The following PTPRN2 variants were observed in gnomAD, a reference collection of about 807,000 sequenced individuals.
The protein encoded by PTPRN2 is receptor-type tyrosine-protein phosphatase N2.
PTPRN2 carries 74 observed loss-of-function variants against 118.8 expected under a neutral mutation model. The observed-to-expected ratio is 0.62, with a 90% confidence interval of 0.52 to 0.76. The LOEUF is 0.76. Among genes scored for constraint, PTPRN2 ranks in the 30% least tolerant of loss-of-function variants. PTPRN2 has a pLI of 0.00. For synonymous variants in PTPRN2, 641 were observed against 608.0 expected (o/e 1.05, Z -0.80); for missense variants, 1,481 against 1,394.4 (o/e 1.06, Z -0.99).
At chr7:157,994,033 A>G (rs1563308879) in intron 11 of PTPRN2, among the ~76,000 whole-genome samples, 1 of 152,216 alleles carries the variant, frequency 6.6e-6, no homozygotes, top group African/African-American at 2.4e-5. Context: ...TGAATAATTT[A>G]TCGCAAAGTC....
intron 11 of PTPRN2, among the ~76,000 whole-genome samples, chr7:158,007,693 G>A (rs1312679036): frequency 1.3e-5 from 2 of 152,174 alleles, no homozygotes; most frequent in Non-Finnish European, 2.9e-5. Flanking sequence ...CTGTGTGCAC[G>A]TGCATGTGTG....
At chr7:157,722,038 C>T (rs1051573960) in intron 12 of PTPRN2, among the ~76,000 whole-genome samples, 6 of 152,200 alleles carry the variant, frequency 3.9e-5, no homozygotes, top group East Asian at 1.9e-4. Context: ...CCCCCACCCC[C>T]GGAGCAGCCA....
intron 11 of PTPRN2, among the ~76,000 whole-genome samples, chr7:157,899,966 AGAG>A (rs747578110): frequency 9.9e-5 from 15 of 152,192 alleles, no homozygotes; most frequent in Admixed American, 2.0e-4. Flanking sequence ...TCCCGCAAAC[AGAG>A]GAGACATCTG....
At chr7:157,624,634 G>C (rs562475279) in intron 14 of PTPRN2, among the ~76,000 whole-genome samples, 176 of 152,324 alleles carry the variant, frequency 1.2e-3, no homozygotes, top group African/African-American at 4.1e-3. Context: ...ATGGGTACTT[G>C]AAGTTCAGTT....
chr7:158,309,580 A>G (rs527282873), intron 3 of PTPRN2, among the ~76,000 whole-genome samples: 10 of 152,204 alleles, frequency 6.6e-5, no homozygotes, highest in Admixed American at 2.0e-4. Flanking sequence ...ATGTATTACT[A>G]TAATACCAAA....
At chr7:157,805,917 G>A (rs1211061336) in intron 12 of PTPRN2, among the ~76,000 whole-genome samples, 1 of 152,148 alleles carries the variant, frequency 6.6e-6, no homozygotes, top group African/African-American at 2.4e-5. Flanking sequence ...ATGGGGTCTG[G>A]TGCTTCTCCA....
rs1800354990 is a variant in PTPRN2, at chr7:157,944,579, A to G, written c.1724-45842T>C. 6.6e-6 allele frequency among the ~76,000 whole-genome samples: 1 copy of G among 152,252 alleles called. No homozygotes were observed. On this transcript the variant is annotated intron_variant, in intron 11 of 22. Coordinates refer to ENST00000389418, the MANE Select transcript of PTPRN2 (RefSeq NM_002847.5). The surrounding 1 kb of genome is among the most constrained non-coding windows in gnomAD (Gnocchi z 4.3). ...TGTTTGAAAGCATAACATTTAAATCAGAAGCATCCCTAGACATGTTGATTA... is the reference window on the plus strand; with the variant it reads ...TGTTTGAAAGCATAACATTTAAATCGGAAGCATCCCTAGACATGTTGATTA...
chr7:158,351,487 A>C (rs1807929690), intron 2 of PTPRN2, among the ~76,000 whole-genome samples: 1 of 152,202 alleles, frequency 6.6e-6, no homozygotes, highest in Non-Finnish European at 1.5e-5. Flanking sequence ...CAGTCACTCA[A>C]AACTCCCATT....
At chr7:158,110,729 T>C in intron 10 of PTPRN2, 100 bp downstream of exon 10, 1 of 1,118,422 alleles carries the variant, frequency 8.9e-7, no homozygotes, top group Non-Finnish European at 1.3e-6. Context: ...TTCCCTCATG[T>C]AATTAACAAG....
At chr7:158,468,823 C>CGGGT (rs1164432610) in intron 2 of PTPRN2, among the ~76,000 whole-genome samples, 4 of 150,398 alleles carry the variant, frequency 2.7e-5, no homozygotes, top group African/African-American at 2.4e-5. Flanking sequence ...ACGCACACTC[C>CGGGT]CGATCAACAA....
In PTPRN2 at chr7:157,953,132, C is replaced by T. The variant is rs922960124; in HGVS notation, c.1724-54395G>A. ...GGTGAGCCCTCTGGCTCGAGAAGTC[C>T]TCAGCGACATCTGGGGGTCCTGTGC... On this transcript the variant is annotated intron_variant, in intron 11 of 22. Coordinates refer to ENST00000389418, the MANE Select transcript of PTPRN2 (RefSeq NM_002847.5). The surrounding 1 kb of genome is among the most constrained non-coding windows in gnomAD (Gnocchi z 4.6). 5.3e-5 allele frequency among the ~76,000 whole-genome samples: 8 copies of T among 152,208 alleles called. No homozygotes were observed. The highest frequency in any genetic ancestry group is 1.7e-4 in the African/African-American group (7 of 41,454).
At chr7:158,247,694 G>A (rs1796348412) in intron 3 of PTPRN2, among the ~76,000 whole-genome samples, 2 of 152,146 alleles carry the variant, frequency 1.3e-5, no homozygotes, top group Non-Finnish European at 2.9e-5. Flanking sequence ...TTGGCTCACT[G>A]CAATCTCCGC....
At chr7:158,504,343 C>G (rs1274280266) in intron 1 of PTPRN2, among the ~76,000 whole-genome samples, 1 of 152,164 alleles carries the variant, frequency 6.6e-6, no homozygotes, top group African/African-American at 2.4e-5. Context: ...TTCCTGTGCT[C>G]TCCCTGCCCA....
At chr7:158,133,532 A>C (rs1818546754) in intron 9 of PTPRN2, 145 bp downstream of exon 9, 12 of 1,180,190 alleles carry the variant, frequency 1.0e-5, no homozygotes, top group Non-Finnish European at 1.3e-5. Flanking sequence ...CGCGCCTGAG[A>C]CTCCAGGGAT....
chr7:158,198,674 C>A (rs1352354812), intron 4 of PTPRN2, among the ~76,000 whole-genome samples: 12 of 152,054 alleles, frequency 7.9e-5, no homozygotes. Context: ...CTCAGGTCCT[C>A]CTTAGCCCTT....
chr7:157,799,804 C>CTTT (rs1805119881), intron 12 of PTPRN2, among the ~76,000 whole-genome samples: 1 of 122,854 alleles, frequency 8.1e-6, no homozygotes. Flanking sequence ...CGGCCTACCC[C>CTTT]GTCCCTCAGA....
At chr7:158,141,566 G>C (rs1563498416) in intron 6 of PTPRN2, among the ~76,000 whole-genome samples, 1 of 152,344 alleles carries the variant, frequency 6.6e-6, no homozygotes, top group East Asian at 1.9e-4. Flanking sequence ...AGTCTCTCTT[G>C]CCCATTAATT....
chr7:158,305,716 C>T (rs769878379), intron 3 of PTPRN2, among the ~76,000 whole-genome samples: 1 of 151,370 alleles, frequency 6.6e-6, no homozygotes, highest in Non-Finnish European at 1.5e-5. Context: ...GAGAAAACCA[C>T]CCAAAAATAT....
chr7:158,063,196 A>C (rs1450109118), intron 11 of PTPRN2, among the ~76,000 whole-genome samples: 1 of 152,130 alleles, frequency 6.6e-6, no homozygotes, highest in Admixed American at 6.5e-5. Flanking sequence ...TATTTAGCTA[A>C]TCTGATGGGG....
Sources: allele counts gnomAD v4.1 joint callset (sites outside exome capture counted in the v4.1 genomes callset), GRCh38; gene constraint gnomAD v4.1.1; non-coding constraint Gnocchi (gnomAD v3.1); transcripts MANE v1.5; gene names NCBI Gene and HGNC (gene_info 2026-07-23, HGNC 2026-07-21).